The following PEBP4 variants were observed in gnomAD, a reference collection of about 807,000 sequenced individuals.
The protein encoded by PEBP4 is phosphatidylethanolamine-binding protein 4.
Under a neutral mutation model 23.9 loss-of-function variants are expected in PEBP4, and 22 were observed. The ratio of observed to expected loss-of-function variants is 0.92; its 90% CI spans 0.66 to 1.31. The LOEUF (loss-of-function observed/expected upper bound fraction) is 1.31. PEBP4 is among the 40% of genes most tolerant of loss of function. The pLI is 0.00. For missense variants in PEBP4, 324 were observed against 281.7 expected (o/e 1.15, Z -1.07); for synonymous variants, 112 against 99.3 (o/e 1.13, Z -0.76).
At chr8:22,918,920 T>TGCAC (rs1809136817) in intron 3 of PEBP4, among the ~76,000 whole-genome samples, 1 of 126,352 alleles carries the variant, frequency 7.9e-6, no homozygotes, top group African/African-American at 2.8e-5. Flanking sequence ...TGCATGCAAG[T>TGCAC]GTGTGTGTGC....
chr8:22,731,197 C>T (rs535483786), intron 4 of PEBP4, among the ~76,000 whole-genome samples: 9 of 152,318 alleles, frequency 5.9e-5, no homozygotes, highest in South Asian at 4.1e-4. Flanking sequence ...AAAAGTTACA[C>T]TGAGTGTGCC....
intron 3 of PEBP4, among the ~76,000 whole-genome samples, chr8:22,901,903 G>T (rs1268249672): frequency 6.6e-6 from 1 of 152,170 alleles, no homozygotes; most frequent in Non-Finnish European, 1.5e-5. Context: ...CATTACAAAT[G>T]ATTCAAATAA....
chr8:22,871,213 C>T (rs557228285), intron 3 of PEBP4, among the ~76,000 whole-genome samples: 6 of 152,246 alleles, frequency 3.9e-5, no homozygotes, highest in East Asian at 1.9e-4. Flanking sequence ...TGTCTAGAAG[C>T]GAACATCAAA....
At chr8:22,914,280 T>G (rs769483247) in intron 3 of PEBP4, among the ~76,000 whole-genome samples, 3 of 152,104 alleles carry the variant, frequency 2.0e-5, no homozygotes, top group Non-Finnish European at 4.4e-5. Context: ...CCATAAGGCC[T>G]GGTTAACTTC....
At chr8:22,887,063 A>T in intron 3 of PEBP4, 1 of 148,590 alleles carries the variant, frequency 6.7e-6, no homozygotes, top group African/African-American at 2.5e-5. Flanking sequence ...AATCCTCCCA[A>T]GTTACTGGGC....
At chr8:22,844,034 C>A (rs184036418) in intron 3 of PEBP4, among the ~76,000 whole-genome samples, 12 of 152,292 alleles carry the variant, frequency 7.9e-5, no homozygotes, top group African/African-American at 2.9e-4. Context: ...AATACCACTA[C>A]TGAAATAATA....
intron 3 of PEBP4, among the ~76,000 whole-genome samples, chr8:22,824,883 A>G (rs1806935268): frequency 6.6e-6 from 1 of 152,052 alleles, no homozygotes; most frequent in South Asian, 2.1e-4. Flanking sequence ...CCCACCATTT[A>G]CCTCCTGCTG....
intron 4 of PEBP4, among the ~76,000 whole-genome samples, chr8:22,735,253 G>C (rs190618636): frequency 2.0e-5 from 3 of 152,274 alleles, no homozygotes; most frequent in Admixed American, 1.3e-4. Flanking sequence ...GGCCATGCTG[G>C]GGGGAGCAGA....
At chr8:22,722,833 C>T (rs563491293) in intron 6 of PEBP4, among the ~76,000 whole-genome samples, 29 of 150,984 alleles carry the variant, frequency 1.9e-4, no homozygotes, top group South Asian at 1.3e-3. Context: ...AGTGTAGTGG[C>T]GCGATCTCAG....
intron 4 of PEBP4, among the ~76,000 whole-genome samples, chr8:22,779,313 C>A (rs1805872993): frequency 6.6e-6 from 1 of 152,214 alleles, no homozygotes; most frequent in Non-Finnish European, 1.5e-5. Context: ...CCTAAGACGG[C>A]TGTTATTGGC....
intron 4 of PEBP4, among the ~76,000 whole-genome samples, chr8:22,780,726 GA>G (rs943933373): frequency 6.6e-6 from 1 of 152,338 alleles, no homozygotes; most frequent in Admixed American, 6.5e-5. Context: ...GATGTGGACA[GA>G]GGGCACTAAA....
At chr8:22,818,310 G>A (rs75945892) in intron 3 of PEBP4, among the ~76,000 whole-genome samples, 9,701 of 152,130 alleles carry the variant, frequency 0.064, 481 homozygotes, top group African/African-American at 0.13. Context: ...GGTAAAAGAC[G>A]CAGATAATAA....
intron 3 of PEBP4, among the ~76,000 whole-genome samples, chr8:22,911,869 G>GT (rs1554496752): frequency 3.3e-5 from 5 of 152,176 alleles, no homozygotes; most frequent in Non-Finnish European, 5.9e-5. Flanking sequence ...AGCGCACACA[G>GT]TTTTTTTCAA....
chr8:22,727,815 G>A (rs1249164192), intron 4 of PEBP4, among the ~76,000 whole-genome samples: 1 of 152,064 alleles, frequency 6.6e-6, no homozygotes, highest in Non-Finnish European at 1.5e-5. Context: ...ACAACCCTGG[G>A]GCAGTTTCTT....
At chr8:22,917,234 G>A (rs188354804) in intron 3 of PEBP4, among the ~76,000 whole-genome samples, 158 of 152,138 alleles carry the variant, frequency 1.0e-3, no homozygotes, top group South Asian at 5.0e-3. Context: ...TCACCAACTC[G>A]TGCCCTTCTC....
intron 6 of PEBP4, among the ~76,000 whole-genome samples, chr8:22,721,342 C>T (rs949444911): frequency 6.6e-6 from 1 of 152,050 alleles, no homozygotes; most frequent in Non-Finnish European, 1.5e-5. Flanking sequence ...CGATCAGAGT[C>T]GGGACATCAA....
intron 4 of PEBP4, among the ~76,000 whole-genome samples, chr8:22,735,472 G>C (rs889200622): frequency 6.6e-6 from 1 of 152,210 alleles, no homozygotes; most frequent in Non-Finnish European, 1.5e-5. Flanking sequence ...TTGGGTGTCC[G>C]TTGAAGCCAG....
chr8:22,754,772 A>C (rs549373137), intron 4 of PEBP4: 1 of 152,454 alleles, frequency 6.6e-6, no homozygotes, highest in South Asian at 2.1e-4. Flanking sequence ...TAATTTCCCC[A>C]CATCTCTCCC....
chr8:22,731,901 T>C (rs905518077), intron 4 of PEBP4, among the ~76,000 whole-genome samples: 3 of 151,870 alleles, frequency 2.0e-5, no homozygotes, highest in Non-Finnish European at 4.4e-5. Flanking sequence ...GGTCTTGATC[T>C]CCTGATCTCG....
Sources: allele counts gnomAD v4.1 joint callset (sites outside exome capture counted in the v4.1 genomes callset), GRCh38; gene constraint gnomAD v4.1.1; transcripts MANE v1.5; gene names NCBI Gene and HGNC (gene_info 2026-07-23, HGNC 2026-07-21).